Variants in CHST12 observed in about 807,000 individuals in gnomAD.
The protein encoded by CHST12 is carbohydrate sulfotransferase 12.
In CHST12, 23 loss-of-function variants were observed where a neutral mutation model predicts 27.9. That is an observed-to-expected ratio of 0.82 (90% CI 0.59 to 1.17). The LOEUF is 1.17. CHST12 is among the 50% of genes most tolerant of loss of function. The pLI is 0.00. For synonymous variants in CHST12, 322 were observed against 273.0 expected (o/e 1.18, Z -1.77); for missense variants, 682 against 603.0 (o/e 1.13, Z -1.37).
intron 1 of CHST12, among the ~76,000 whole-genome samples, chr7:2,426,194 A>G (rs1277811332): frequency 6.6e-6 from 1 of 152,190 alleles, no homozygotes; most frequent in Non-Finnish European, 1.5e-5. Flanking sequence ...CAAGAAGCCA[A>G]GGCAGGAAGG....
Position 2,436,621 on chromosome 7 carries a change from G to A in CHST12, c.*2737G>A, listed in dbSNP as rs1196302986. 6.6e-6 allele frequency: 1 copy of A among 152,250 alleles called. No homozygotes were observed. The highest frequency in any genetic ancestry group is 2.4e-5 in the African/African-American group (1 of 41,434). The allele number at this position is 152,250 out of a possible 1,614,324, so 9.4% of individuals were successfully genotyped here. A position where few individuals can be genotyped will look rare whatever the true frequency, so the allele number is the denominator to read the frequency against. On this transcript the variant is annotated 3_prime_UTR_variant, in exon 2 of 2. Transcript: ENST00000618655. ...CTGAGGGCTTGTTTTCCGTATTCTG[G>A]GCATGGCCCTTTGTGTCTGCCTTTG...
At chr7:2,418,957 C>G (rs997254696) in intron 1 of CHST12, among the ~76,000 whole-genome samples, 1 of 148,026 alleles carries the variant, frequency 6.8e-6, no homozygotes, top group Non-Finnish European at 1.5e-5. Context: ...CCATCATGCC[C>G]AGCTAATTTT....
chr7:2,417,771 G>C (rs981701772), intron 1 of CHST12, among the ~76,000 whole-genome samples: 1 of 152,130 alleles, frequency 6.6e-6, no homozygotes, highest in Non-Finnish European at 1.5e-5. Context: ...CGATATCTCA[G>C]TTCACCCATT....
Position 2,440,419 on chromosome 7 carries a change from G to C in CHST12, c.*6535G>C, listed in dbSNP as rs1428956209. On this transcript the variant is annotated 3_prime_UTR_variant, in exon 2 of 2. Transcript: ENST00000618655. ...TGTGCAAGAGAATGTGTGTGTGTGT[G>C]TGTTTGGAGATTTGGACTTGAAAAT... 1 of 153,428 alleles carries C rather than the reference G, an allele frequency of 6.5e-6. No homozygotes were observed. The highest frequency in any genetic ancestry group is 1.5e-5 in the Non-Finnish European group (1 of 68,282). 9.5% of individuals were successfully genotyped at this position (153,428 alleles called of 1,614,324 possible).
At chr7:2,405,967 G>A (rs1404209794) in intron 1 of CHST12, among the ~76,000 whole-genome samples, 1 of 152,122 alleles carries the variant, frequency 6.6e-6, no homozygotes, top group Admixed American at 6.6e-5. Context: ...GCTGACCTTG[G>A]GCGTGCAGTT....
At chr7:2,430,946 G>C (rs1562518862) in intron 1 of CHST12, among the ~76,000 whole-genome samples, 1 of 152,216 alleles carries the variant, frequency 6.6e-6, no homozygotes, top group Non-Finnish European at 1.5e-5. Context: ...ATGTTTTGTG[G>C]ACACTTAGAA....
At chr7:2,413,216 T>G (rs970591940) in intron 1 of CHST12, among the ~76,000 whole-genome samples, 1 of 152,210 alleles carries the variant, frequency 6.6e-6, no homozygotes, top group African/African-American at 2.4e-5. Context: ...ATCCCTTCCC[T>G]CTTCCTCCCA....
intron 1 of CHST12, among the ~76,000 whole-genome samples, chr7:2,413,509 C>T (rs1001632331): frequency 1.3e-5 from 2 of 152,142 alleles, no homozygotes; most frequent in Non-Finnish European, 2.9e-5. Context: ...GCATTTCCAT[C>T]GCCCCGAGTT....
rs1202110982 is a variant in CHST12, at chr7:2,436,774, G to A, written c.*2890G>A. 6.6e-6 allele frequency: 1 copy of A among 152,320 alleles called. No homozygotes were observed. The highest frequency in any genetic ancestry group is 1.5e-5 in the Non-Finnish European group (1 of 68,102). 9.4% of individuals were successfully genotyped at this position (152,320 alleles called of 1,614,324 possible). A position where few individuals can be genotyped will look rare whatever the true frequency, so the allele number is the denominator to read the frequency against. ...TTCTGCATTCCCAGTTCTTGGTATG[G>A]TTCCTCTGAGGTTCGGTTTTCCTGA... On this transcript the variant is annotated 3_prime_UTR_variant, in exon 2 of 2. Transcript: ENST00000618655.
chr7:2,411,187 A>G (rs1315921340), intron 1 of CHST12, among the ~76,000 whole-genome samples: 1 of 151,914 alleles, frequency 6.6e-6, no homozygotes, highest in Admixed American at 6.6e-5. Flanking sequence ...GGCTTAAGAG[A>G]TCCTCCCACC....
chr7:2,415,259 A>G (rs1254333091), intron 1 of CHST12, among the ~76,000 whole-genome samples: 1 of 151,926 alleles, frequency 6.6e-6, no homozygotes, highest in African/African-American at 2.4e-5. Context: ...CTGGCTACTC[A>G]GGAGGCTAAG....
rs1782395653 is a variant in CHST12, at chr7:2,434,017, A to G, written c.*133A>G. ...CCTCTATCCATTGAGTACTGTATCGATATTGTTTTTTAAGATTAATATATT... is the reference window on the plus strand; with the variant it reads ...CCTCTATCCATTGAGTACTGTATCGGTATTGTTTTTTAAGATTAATATATT... On this transcript the variant is annotated 3_prime_UTR_variant, in exon 2 of 2. Coordinates refer to ENST00000618655, the MANE Select transcript of CHST12 (RefSeq NM_018641.5). The G allele has an allele frequency of 7.6e-6, 5 of 656,374 alleles. No homozygotes were observed. The Admixed American group carries it at 1.5e-4, about 20-fold the overall frequency. 40.7% of individuals were successfully genotyped at this position (656,374 alleles called of 1,614,324 possible).
intron 1 of CHST12, among the ~76,000 whole-genome samples, chr7:2,411,902 T>C (rs1781676937): frequency 6.6e-6 from 1 of 152,232 alleles, no homozygotes; most frequent in South Asian, 2.1e-4. Context: ...ACATGAGATA[T>C]GATCCCTGTC....
In CHST12 at chr7:2,433,833, C is replaced by T. The variant is rs750555463; in HGVS notation, c.1194C>T (p.Ala398=). ...AGCAGCTGTATAAACTCTACGAGGCCGACTTTGTTCTCTTCGGCTACCCCA... is the reference window on the plus strand; with the variant it reads ...AGCAGCTGTATAAACTCTACGAGGCTGACTTTGTTCTCTTCGGCTACCCCA... ...WRQQLYKLYE[A]DFVLFGYPKP... Residue 398 remains alanine, a synonymous_variant, in exon 2 of 2, where the codon GCC becomes GCT. Transcript: ENST00000618655. This position sits in a 1 kb window ranked among gnomAD's most constrained non-coding sequence, Gnocchi z 6.1. The T allele has an allele frequency of 5.6e-6, 9 of 1,605,064 alleles. No individual in the cohort carries two copies. Among genetic ancestry groups the T allele is most frequent in the South Asian group, 3.3e-5 (3 of 90,800 alleles).
chr7:2,416,156 C>T (rs1366736255), intron 1 of CHST12, among the ~76,000 whole-genome samples: 6 of 152,212 alleles, frequency 3.9e-5, no homozygotes, highest in African/African-American at 1.4e-4. Context: ...GTAGATTCCT[C>T]CTCAAGAAAC....
intron 1 of CHST12, among the ~76,000 whole-genome samples, chr7:2,410,150 T>C (rs980002963): frequency 6.6e-6 from 1 of 152,230 alleles, no homozygotes; most frequent in Non-Finnish European, 1.5e-5. Context: ...AGCAGTATTA[T>C]ACATCATCCT....
chr7:2,408,059 C>T (rs1215690130), intron 1 of CHST12, among the ~76,000 whole-genome samples: 1 of 152,080 alleles, frequency 6.6e-6, no homozygotes, highest in Non-Finnish European at 1.5e-5. Flanking sequence ...CAGCTGTTGA[C>T]CCCAGAATTT....
chr7:2,424,422 C>CTT (rs1782053315), intron 1 of CHST12, among the ~76,000 whole-genome samples: 1 of 151,292 alleles, frequency 6.6e-6, no homozygotes, highest in African/African-American at 2.4e-5. Context: ...GCCTCATGAA[C>CTT]TTTGAGGTTC....
intron 1 of CHST12, among the ~76,000 whole-genome samples, chr7:2,425,678 A>G (rs1782098238): frequency 6.9e-6 from 1 of 145,680 alleles, no homozygotes; most frequent in Non-Finnish European, 1.5e-5. Context: ...AATGCAAAAT[A>G]GCACTGCATT....
Sources: allele counts gnomAD v4.1 joint callset (sites outside exome capture counted in the v4.1 genomes callset), GRCh38; gene constraint gnomAD v4.1.1; non-coding constraint Gnocchi (gnomAD v3.1); transcripts MANE v1.5; gene names NCBI Gene and HGNC (gene_info 2026-07-23, HGNC 2026-07-21).